MPPED1: variants seen among roughly 807,000 people sequenced by gnomAD.
The protein encoded by MPPED1 is metallophosphoesterase domain containing 1.
Under a neutral mutation model 36.2 loss-of-function variants are expected in MPPED1, and 16 were observed. The ratio of observed to expected loss-of-function variants is 0.44; its 90% CI spans 0.30 to 0.67. The LOEUF (loss-of-function observed/expected upper bound fraction) is 0.67. Among genes scored for constraint, MPPED1 ranks in the 30% least tolerant of loss-of-function variants. The pLI is 0.10. For missense variants in MPPED1, 307 were observed against 453.4 expected (o/e 0.68, Z 2.93); for synonymous variants, 199 against 191.3 (o/e 1.04, Z -0.33).
chr22:43,433,538 C>A (rs1191196933), intron 2 of MPPED1, among the ~76,000 whole-genome samples: 1 of 151,046 alleles, frequency 6.6e-6, no homozygotes, highest in Non-Finnish European at 1.5e-5. Context: ...ATTTTCCTCC[C>A]AGCGTAGACC....
intron 4 of MPPED1, among the ~76,000 whole-genome samples, chr22:43,493,715 C>T (rs1002257865): frequency 1.3e-5 from 2 of 152,208 alleles, no homozygotes; most frequent in Non-Finnish European, 2.9e-5. Context: ...ACAGTAGGTG[C>T]ACAGGAAATG....
At chr22:43,469,085 G>T (rs774758121) in intron 3 of MPPED1, among the ~76,000 whole-genome samples, 1 of 152,078 alleles carries the variant, frequency 6.6e-6, no homozygotes, top group East Asian at 1.9e-4. Flanking sequence ...TCCAAGGTTG[G>T]TGCTGCCTAA....
At chr22:43,478,796 C>T (rs563515677) in intron 4 of MPPED1, among the ~76,000 whole-genome samples, 4 of 152,242 alleles carry the variant, frequency 2.6e-5, no homozygotes, top group East Asian at 3.9e-4. Flanking sequence ...CAGGACTTTG[C>T]GGGGCGGCCT....
intron 3 of MPPED1, among the ~76,000 whole-genome samples, chr22:43,446,942 G>A (rs570362433): frequency 6.6e-6 from 1 of 152,328 alleles, no homozygotes; most frequent in Admixed American, 6.5e-5. Flanking sequence ...ATGGAGACAG[G>A]ACAGGGGGAA....
chr22:43,455,016 G>T (rs1930703208), intron 3 of MPPED1, among the ~76,000 whole-genome samples: 1 of 151,958 alleles, frequency 6.6e-6, no homozygotes, highest in Non-Finnish European at 1.5e-5. Flanking sequence ...TGAGATATTA[G>T]CAGATTGGTT....
intron 4 of MPPED1, among the ~76,000 whole-genome samples, chr22:43,480,568 C>G (rs1931717421): frequency 6.6e-6 from 1 of 152,130 alleles, no homozygotes; most frequent in Non-Finnish European, 1.5e-5. Context: ...CTTTTTCTTA[C>G]TGGTTCATGG....
At chr22:43,501,826 C>G (rs1348977835) in intron 5 of MPPED1, among the ~76,000 whole-genome samples, 3 of 151,712 alleles carry the variant, frequency 2.0e-5, no homozygotes, top group African/African-American at 7.3e-5. Flanking sequence ...TCCTTCTCCC[C>G]CTCCTCCTCC....
intron 5 of MPPED1, among the ~76,000 whole-genome samples, chr22:43,498,702 T>A (rs547804967): frequency 5.3e-5 from 8 of 151,960 alleles, no homozygotes; most frequent in Non-Finnish European, 1.0e-4. Context: ...CGGGCAGCCC[T>A]AACTCCCTCA....
Position 43,450,569 on chromosome 22 carries a change from G to A in MPPED1, c.406+15354G>A, listed in dbSNP as rs1306440868. 2.0e-5 allele frequency among the ~76,000 whole-genome samples: 3 copies of A among 152,180 alleles called. No homozygotes were observed. The East Asian group carries it at 5.8e-4, about 29-fold the overall frequency. ...CTATCAAAGGGAGCTGATATTGGGA[G>A]AGTTCAGTGAGGCAGCGGGTGATCT... On this transcript the variant is annotated intron_variant, in intron 3 of 6. Coordinates refer to ENST00000443721, the MANE Select transcript of MPPED1 (RefSeq NM_001044370.2).
intron 6 of MPPED1, among the ~76,000 whole-genome samples, chr22:43,503,046 C>T (rs1214412396): frequency 6.6e-6 from 1 of 152,144 alleles, no homozygotes; most frequent in Non-Finnish European, 1.5e-5. Flanking sequence ...GGGAGGTGGG[C>T]AGGGGGTTTT....
At chr22:43,459,230 C>T (rs1412421806) in intron 3 of MPPED1, among the ~76,000 whole-genome samples, 2 of 152,064 alleles carry the variant, frequency 1.3e-5, no homozygotes, top group African/African-American at 4.8e-5. Context: ...GCACCGTGCA[C>T]ACCACGATGC....
intron 3 of MPPED1, among the ~76,000 whole-genome samples, chr22:43,444,084 G>C (rs1930245230): frequency 2.0e-5 from 3 of 152,108 alleles, no homozygotes; most frequent in African/African-American, 7.2e-5. Context: ...ATGCTGTGTT[G>C]TAGGGGCTAA....
At chr22:43,487,530 G>A (rs914425696) in intron 4 of MPPED1, among the ~76,000 whole-genome samples, 7 of 152,212 alleles carry the variant, frequency 4.6e-5, no homozygotes, top group African/African-American at 1.7e-4. Context: ...TGGAGTGGAG[G>A]AATGACATGC....
intron 3 of MPPED1, among the ~76,000 whole-genome samples, chr22:43,446,787 T>G (rs1345617795): frequency 6.6e-6 from 1 of 152,122 alleles, no homozygotes; most frequent in Non-Finnish European, 1.5e-5. Context: ...TTGCCTTTGG[T>G]TTGCAATCAT....
chr22:43,474,213 G>A lies in MPPED1; in HGVS notation c.407-523G>A, dbSNP rs771552064. Among the ~76,000 whole-genome samples, 6 of 152,180 alleles carry A rather than the reference G, an allele frequency of 3.9e-5. No individual in the cohort carries two copies. The highest frequency in any genetic ancestry group is 7.3e-5 in the Non-Finnish European group (5 of 68,034). Reference sequence around the variant, plus strand: ...CAGCTAGGGCTGGGGATGCAGCGTGGGGGTCTTCTTCCAGTAGAAAACTAG... The same window carrying A: ...CAGCTAGGGCTGGGGATGCAGCGTGAGGGTCTTCTTCCAGTAGAAAACTAG... On this transcript the variant is annotated intron_variant, in intron 3 of 6. Transcript: ENST00000443721. This position sits in a 1 kb window ranked among gnomAD's most constrained non-coding sequence, Gnocchi z 5.2.
chr22:43,490,880 A>G (rs1218265661), intron 4 of MPPED1, among the ~76,000 whole-genome samples: 1 of 152,184 alleles, frequency 6.6e-6, no homozygotes, highest in African/African-American at 2.4e-5. Flanking sequence ...GGACCGCGGC[A>G]TCAGAAAATT....
intron 4 of MPPED1, among the ~76,000 whole-genome samples, chr22:43,484,519 C>T (rs1931849276): frequency 6.6e-6 from 1 of 152,216 alleles, no homozygotes; most frequent in Non-Finnish European, 1.5e-5. Context: ...GGATCCCTGT[C>T]CCCTTCTGTG....
At chr22:43,432,523 AGAGAGATAAAGGGAG>A (rs1929748912) in intron 2 of MPPED1, among the ~76,000 whole-genome samples, 1 of 121,798 alleles carries the variant, frequency 8.2e-6, no homozygotes, top group Non-Finnish European at 1.7e-5. Context: ...GAAAGGGAGG[AGAGAGATAAAGGGAG>A]GAGAGAAAGA....
At chr22:43,491,119 T>C (rs531668903) in intron 4 of MPPED1, among the ~76,000 whole-genome samples, 1 of 152,188 alleles carries the variant, frequency 6.6e-6, no homozygotes, top group African/African-American at 2.4e-5. Context: ...ATTCTTTTTT[T>C]AAAAAAATGC....
Sources: gnomAD v4.1 joint callset for allele counts (sites outside exome capture counted in the v4.1 genomes callset) on GRCh38, gnomAD v4.1.1 for gene constraint, Gnocchi (gnomAD v3.1) non-coding constraint, MANE v1.5 for transcripts, NCBI Gene and HGNC (gene_info 2026-07-23, HGNC 2026-07-21) for gene names.